Variants in TMEM74 observed in about 807,000 individuals in gnomAD.
The protein encoded by TMEM74 is transmembrane protein 74.
Under a neutral mutation model 18.1 loss-of-function variants are expected in TMEM74, and 13 were observed. That is an observed-to-expected ratio of 0.72 (90% CI 0.47 to 1.14). The LOEUF (loss-of-function observed/expected upper bound fraction) is 1.14. Among genes scored for constraint, TMEM74 ranks in the 50% most tolerant of loss-of-function variants. TMEM74 has a pLI of 0.00. For synonymous variants in TMEM74, 159 were observed against 146.6 expected (o/e 1.08, Z -0.61); for missense variants, 372 against 375.9 (o/e 0.99, Z 0.09).
intron 1 of TMEM74, among the ~76,000 whole-genome samples, chr8:108,750,459 C>T (rs1056636788): frequency 1.3e-5 from 2 of 152,062 alleles, no homozygotes. Flanking sequence ...GGAGAGGGCT[C>T]TTCCCTACCC....
At chr8:108,634,512 C>G (rs552615525) in intron 2 of TMEM74, among the ~76,000 whole-genome samples, 11 of 151,942 alleles carry the variant, frequency 7.2e-5, no homozygotes, top group Admixed American at 2.0e-4. Context: ...CTGAGACATC[C>G]TGCAGAATAA....
At chr8:108,673,373 A>C (rs1177490588) in intron 1 of TMEM74, among the ~76,000 whole-genome samples, 1 of 152,204 alleles carries the variant, frequency 6.6e-6, no homozygotes, top group East Asian at 1.9e-4. Flanking sequence ...GATCTCAGAC[A>C]CAGGGCCTAC....
chr8:108,761,714 C>A (rs1814047088), intron 1 of TMEM74, among the ~76,000 whole-genome samples: 1 of 152,158 alleles, frequency 6.6e-6, no homozygotes. Flanking sequence ...GGTGGTATAA[C>A]TGAGTTTTTT....
rs1814360836 is a variant in TMEM74 at position 108,784,894 on chromosome 8, A to C, written c.205T>G (p.Ser69Ala). The C allele has an allele frequency of 2.5e-6, 4 of 1,614,036 alleles. No individual in the cohort carries two copies. Among genetic ancestry groups the C allele is most frequent in the Non-Finnish European group, 2.5e-6 (3 of 1,180,012 alleles). ...TGAAGAGTACTGTTTTGCAGAGAGG[A>C]GGAGGGGGATGCTGGAGAAGAACTA... ...KLSSSPASPS[S>A]SLQNSTLQPD... The change falls in exon 2 of 2, where the codon TCC (serine) becomes GCC (alanine). Residue 69 changes from serine (S) to alanine (A), a missense_variant. By Grantham distance (99) the Ser-to-Ala change is moderately conservative. Coordinates refer to ENST00000297459, the MANE Select transcript of TMEM74 (RefSeq NM_153015.3).
intron 1 of TMEM74, among the ~76,000 whole-genome samples, chr8:108,739,646 A>G: frequency 6.6e-6 from 1 of 152,156 alleles, no homozygotes; most frequent in Middle Eastern, 3.2e-3. Flanking sequence ...ATTTTCTCAT[A>G]GGATTCCTCA....
At chr8:108,719,237 G>A (rs1813560822) in intron 1 of TMEM74, among the ~76,000 whole-genome samples, 1 of 151,940 alleles carries the variant, frequency 6.6e-6, no homozygotes, top group South Asian at 2.1e-4. Context: ...ACAAAAATGG[G>A]ACCAGATCTT....
chr8:108,698,279 A>C (rs1253268309), intron 1 of TMEM74, among the ~76,000 whole-genome samples: 1 of 152,224 alleles, frequency 6.6e-6, no homozygotes, highest in African/African-American at 2.4e-5. Flanking sequence ...AGGGTGCTTT[A>C]TCCATTTCCA....
chr8:108,787,295 A>G (rs977212176), intron 1 of TMEM74, among the ~76,000 whole-genome samples, 181 bp downstream of exon 1: 4 of 152,152 alleles, frequency 2.6e-5, no homozygotes, highest in Non-Finnish European at 5.9e-5. Flanking sequence ...GCGCCGAGGA[A>G]TCCGGCTATC....
intron 2 of TMEM74, among the ~76,000 whole-genome samples, chr8:108,631,477 C>A (rs1256216552): frequency 6.6e-6 from 1 of 152,012 alleles, no homozygotes; most frequent in African/African-American, 2.4e-5. Flanking sequence ...GTGTCAAAAG[C>A]ACACTCAAAA....
At chr8:108,699,874 G>T (rs1813318489) in intron 1 of TMEM74, among the ~76,000 whole-genome samples, 1 of 152,190 alleles carries the variant, frequency 6.6e-6, no homozygotes, top group Non-Finnish European at 1.5e-5. Context: ...CCCTCTGCCA[G>T]TGGTTTCCAA....
chr8:108,784,283 T>C lies in TMEM74; in HGVS notation c.816A>G (p.Ala272=). ...TGAAGTTGAAAGAACCATAGAGTTT[T>C]GCAGACTCTTTGGAAGAGGCAAATC... The part of the protein sequence containing the change: ...RNRFASSKES[A]KLYGSFNFRM... The change falls in exon 2 of 2, where the codon GCA becomes GCG. Residue 272 remains alanine (A), a synonymous_variant. Coordinates refer to ENST00000297459, the MANE Select transcript of TMEM74 (RefSeq NM_153015.3). The C allele has an allele frequency of 6.2e-7, 1 of 1,614,154 alleles. No individual in the cohort carries two copies. The highest frequency in any genetic ancestry group is 8.5e-7 in the Non-Finnish European group (1 of 1,180,040).
chr8:108,734,089 A>C (rs1199383125), intron 1 of TMEM74, among the ~76,000 whole-genome samples: 1 of 152,188 alleles, frequency 6.6e-6, no homozygotes, highest in Non-Finnish European at 1.5e-5. Context: ...TGTGAGTCAG[A>C]AGCCTGAGTG....
intron 2 of TMEM74, among the ~76,000 whole-genome samples, chr8:108,621,355 T>C (rs1326804265): frequency 6.6e-6 from 1 of 152,174 alleles, no homozygotes; most frequent in Non-Finnish European, 1.5e-5. Context: ...TTAATTAAAG[T>C]TTGACCTGAG....
At chr8:108,630,521 T>C (rs1382666276) in intron 2 of TMEM74, among the ~76,000 whole-genome samples, 1 of 152,022 alleles carries the variant, frequency 6.6e-6, no homozygotes, top group Non-Finnish European at 1.5e-5. Context: ...ATCAACAGAA[T>C]ATACATTCTT....
chr8:108,662,647 T>C (rs571390172), intron 1 of TMEM74, among the ~76,000 whole-genome samples: 1 of 152,202 alleles, frequency 6.6e-6, no homozygotes, highest in South Asian at 2.1e-4. Context: ...AGTGATGAGA[T>C]TAGGGAAGGC....
chr8:108,761,979 G>A (rs1814049936), intron 1 of TMEM74, among the ~76,000 whole-genome samples: 1 of 152,172 alleles, frequency 6.6e-6, no homozygotes, highest in Non-Finnish European at 1.5e-5. Flanking sequence ...TCCACCTAAT[G>A]CAATCCCTCT....
At chr8:108,787,385 G>C (rs918949167) in intron 1 of TMEM74, 91 bp downstream of exon 1, 3 of 152,268 alleles carry the variant, frequency 2.0e-5, no homozygotes, top group Admixed American at 2.0e-4. Flanking sequence ...GAAGGAGAGA[G>C]AGCGGGGATA....
intron 1 of TMEM74, among the ~76,000 whole-genome samples, chr8:108,741,166 G>A (rs1269025765): frequency 1.3e-5 from 2 of 152,144 alleles, no homozygotes; most frequent in African/African-American, 2.4e-5. Context: ...ACCTACCTAT[G>A]TGAGAAAACT....
At chr8:108,724,306 A>C (rs1395183065) in intron 1 of TMEM74, among the ~76,000 whole-genome samples, 1 of 151,832 alleles carries the variant, frequency 6.6e-6, no homozygotes, top group East Asian at 1.9e-4. Flanking sequence ...TCATGACTGA[A>C]CTCTTTATTT....
Sources: gnomAD v4.1 joint callset for allele counts (sites outside exome capture counted in the v4.1 genomes callset) on GRCh38, gnomAD v4.1.1 for gene constraint, MANE v1.5 for transcripts, NCBI Gene and HGNC (gene_info 2026-07-23, HGNC 2026-07-21) for gene names.